The following GALNT15 variants were observed in gnomAD, a reference collection of about 807,000 sequenced individuals.
GALNT15 encodes the protein polypeptide N-acetylgalactosaminyltransferase 15.
In GALNT15, 67 loss-of-function variants were observed where a neutral mutation model predicts 66.8. The ratio of observed to expected loss-of-function variants is 1.00; its 90% CI spans 0.82 to 1.23. The LOEUF is 1.23. Ranked by LOEUF, GALNT15 falls within the 50% of genes most tolerant of loss-of-function variation. GALNT15 has a pLI of 0.00. For missense variants in GALNT15, 827 were observed against 804.3 expected, an observed-to-expected ratio of 1.03 and a Z score of -0.34; for synonymous variants, 313 against 311.5, an observed-to-expected ratio of 1.00 and a Z score of -0.05.
downstream of GALNT15, among the ~76,000 whole-genome samples, chr3:16,231,580 T>G (rs920390633): frequency 6.6e-6 from 1 of 152,160 alleles, no homozygotes; most frequent in African/African-American, 2.4e-5. This position sits in a 1 kb window ranked among gnomAD's most constrained non-coding sequence, Gnocchi z 4.1. Context: ...AAAAAAAGAA[T>G]CATCAGAATC....
chr3:16,175,559 G>T lies in GALNT15; in HGVS notation c.408G>T (p.Gly136=). Residue 136 remains glycine, a synonymous_variant, in exon 1 of 10, where the codon GGG becomes GGT. Coordinates refer to ENST00000339732, the MANE Select transcript of GALNT15 (RefSeq NM_054110.5). This position sits in a 1 kb window ranked among gnomAD's most constrained non-coding sequence, Gnocchi z 5.6. ...QDKEAPKRDW[G]ADEDGEVSEE... Reference sequence around the variant, plus strand: ...AGGAAGCCCCAAAGAGGGACTGGGGGGCTGATGAGGACGGGGAGGTGTCTG... The same window carrying T: ...AGGAAGCCCCAAAGAGGGACTGGGGTGCTGATGAGGACGGGGAGGTGTCTG... The T allele has an allele frequency of 1.9e-6, 3 of 1,614,020 alleles. No homozygotes were observed. Among genetic ancestry groups the T allele is most frequent in the Non-Finnish European group, 2.5e-6 (3 of 1,179,990 alleles).
rs758998956 is a variant in GALNT15 at position 16,175,247 on chromosome 3, G to A, written c.96G>A (p.Met32Ile). The change falls in exon 1 of 10, where the codon ATG becomes ATA. Residue 32 changes from methionine to isoleucine, a missense_variant. Physicochemically the swap from Met to Ile is conservative, Grantham distance 10 (BLOSUM62 1). Transcript: ENST00000339732. The surrounding 1 kb of genome is among the most constrained non-coding windows in gnomAD (Gnocchi z 5.6). Reference sequence around the variant, plus strand: ...GATGCGTCCTGATGATGGTGGCGATGTTGCACCCTCCCCACCACACCCTGC... The same window carrying A: ...GATGCGTCCTGATGATGGTGGCGATATTGCACCCTCCCCACCACACCCTGC... ...MLGCVLMMVA[M>I]LHPPHHTLHQ... 9 of 1,614,042 alleles carry A rather than the reference G, an allele frequency of 5.6e-6. No individual in the cohort carries two copies. Among genetic ancestry groups the A allele is most frequent in the South Asian group, 5.5e-5 (5 of 91,086 alleles).
In GALNT15 at chr3:16,186,911, C is replaced by T. The variant is rs2063522511; in HGVS notation, c.540-8849C>T. ...ATACTTGAATCCATGGAATTGTACACTTTATAAAGGTGGACATTATGGTAT... is the reference window on the plus strand; with the variant it reads ...ATACTTGAATCCATGGAATTGTACATTTTATAAAGGTGGACATTATGGTAT... On this transcript the variant is annotated intron_variant, in intron 1 of 9. Coordinates refer to ENST00000339732, the MANE Select transcript of GALNT15 (RefSeq NM_054110.5). This position sits in a 1 kb window ranked among gnomAD's most constrained non-coding sequence, Gnocchi z 5.1. Among the ~76,000 whole-genome samples, 2 of 152,092 alleles carry T rather than the reference C, an allele frequency of 1.3e-5. No individual in the cohort carries two copies. The highest frequency in any genetic ancestry group is 6.5e-5 in the Admixed American group (1 of 15,276).
downstream of GALNT15, among the ~76,000 whole-genome samples, chr3:16,232,509 T>A (rs1480267136): frequency 3.8e-5 from 3 of 78,222 alleles, no homozygotes; most frequent in African/African-American, 1.9e-4. Context: ...TATATATATA[T>A]ATTTATTTAA....
chr3:16,177,584 T>C (rs1377436824), intron 1 of GALNT15, among the ~76,000 whole-genome samples: 2 of 152,274 alleles, frequency 1.3e-5, no homozygotes, highest in South Asian at 2.1e-4. Flanking sequence ...TGCACAGCTA[T>C]GCATTGTGCA....
Position 16,196,361 on chromosome 3 carries a change from A to G in GALNT15, c.706+435A>G, listed in dbSNP as rs370230868. Among the ~76,000 whole-genome samples, 23 of 152,220 alleles carry G rather than the reference A, an allele frequency of 1.5e-4. No individual in the cohort carries two copies. The East Asian group carries it at 1.5e-3, about 10-fold the overall frequency. The stretch of plus-strand genomic sequence containing the variant: ...TATGTGTATCGGTCCTTCACTCATC[A>G]TGGCTTAGACAGACCCACTCACTTT... On this transcript the variant is annotated intron_variant, in intron 2 of 9. Transcript: ENST00000339732.
At chr3:16,230,522 C>T (rs1041372234), downstream of GALNT15, among the ~76,000 whole-genome samples, 1 of 151,894 alleles carries the variant, frequency 6.6e-6, no homozygotes, top group East Asian at 1.9e-4. This position sits in a 1 kb window ranked among gnomAD's most constrained non-coding sequence, Gnocchi z 4.5. Context: ...TGATCTGTGA[C>T]CAGTCACCAA....
At position 16,220,002 on chromosome 3, in the gene GALNT15, C is replaced by A; in HGVS notation, c.1617C>A (p.Ser539Arg). Residue 539 changes from serine (S) to arginine (R), a missense_variant, in exon 8 of 10, where the codon AGC (serine) becomes AGA (arginine). Transcript: ENST00000339732. ...TGGTGTTGGCTCCTTGCAGTGACAGCCGGCAGCAACAGGTGGGTAGTCAGA... is the reference window on the plus strand; with the variant it reads ...TGGTGTTGGCTCCTTGCAGTGACAGACGGCAGCAACAGGTGGGTAGTCAGA... ...CPMVLAPCSD[S>R]RQQQYLQHTS... The A allele has an allele frequency of 6.2e-7, 1 of 1,613,642 alleles. No individual in the cohort carries two copies. Among genetic ancestry groups the A allele is most frequent in the Non-Finnish European group, 8.5e-7 (1 of 1,179,516 alleles).
chr3:16,215,915 A>AAACAAAAAAAAAAAAAAAAAAAC (rs2063867825), intron 6 of GALNT15, among the ~76,000 whole-genome samples: 1 of 151,168 alleles, frequency 6.6e-6, no homozygotes, highest in East Asian at 1.9e-4. Flanking sequence ...CCAAAAAAAA[A>AAACAAAAAAAAAAAAAAAAAAAC]AAAAAAAAAA....
rs150693774 is a variant in GALNT15 at position 16,219,372 on chromosome 3, A to T, written c.1393-31A>T. ...TGAATTCTGGGCAAGACAAGCTTTC[A>T]TCATCCTGCTTGTGTCTTTCTCCTC... is the stretch of plus-strand genomic sequence containing the variant. On this transcript the variant is annotated intron_variant, in intron 6 of 9. Transcript: ENST00000339732. The surrounding 1 kb of genome is among the most constrained non-coding windows in gnomAD (Gnocchi z 4.3). The T allele has an allele frequency of 4.4e-4, 710 of 1,611,216 alleles. 2 individuals are homozygous for T. The African/African-American group carries it at 8.2e-3, about 19-fold the overall frequency.
At chr3:16,232,494 ATATATATATATATATATTTATT>A (rs1292101726), downstream of GALNT15, among the ~76,000 whole-genome samples, 537 of 86,418 alleles carry the variant, frequency 6.2e-3, 52 homozygotes, top group Non-Finnish European at 8.7e-3. Context: ...ATATATATAT[ATATATATATATATATATTTATT>A]TAAAAGAGAC....
chr3:16,198,548 A>G (rs1227681851), intron 2 of GALNT15, among the ~76,000 whole-genome samples: 1 of 142,302 alleles, frequency 7.0e-6, no homozygotes, highest in Non-Finnish European at 1.6e-5. Context: ...GCAATGTTAA[A>G]GCCAATGAAG....
In GALNT15 at chr3:16,188,515, CG is replaced by C. The variant is rs796761224; in HGVS notation, c.540-7242del. The stretch of plus-strand genomic sequence containing the variant: ...TCCTTTTAGGTGGGCCATGTGGTCT[CG>C]GGCTCACTGAAGCACCCACAGGGCA... On this transcript the variant is annotated intron_variant, in intron 1 of 9. Transcript: ENST00000339732. The surrounding 1 kb of genome is among the most constrained non-coding windows in gnomAD (Gnocchi z 4.6). Among the ~76,000 whole-genome samples, 54 of 152,282 alleles carry C rather than the reference CG, an allele frequency of 3.5e-4. No homozygotes were observed. The highest frequency in any genetic ancestry group is 1.1e-3 in the African/African-American group (47 of 41,570).
chr3:16,175,337 G>A lies in GALNT15; in HGVS notation c.186G>A (p.Gly62=), dbSNP rs758431673. Residue 62 remains glycine (G), a synonymous_variant, in exon 1 of 10, where the codon GGG becomes GGA. Transcript: ENST00000339732. This position sits in a 1 kb window ranked among gnomAD's most constrained non-coding sequence, Gnocchi z 5.6. Reference sequence around the variant, plus strand: ...AAGCCAGGTACCGCCTGGACTTTGGGGAATCCCAGGATTGGGTACTGGAAG... The same window carrying A: ...AAGCCAGGTACCGCCTGGACTTTGGAGAATCCCAGGATTGGGTACTGGAAG... ...SPEARYRLDF[G]ESQDWVLEAE... is the part of the protein sequence containing the mutation. The A allele has an allele frequency of 3.7e-6, 6 of 1,614,174 alleles. No individual in the cohort carries two copies. The South Asian group carries it at 4.4e-5, about 12-fold the overall frequency.
At position 16,212,530 on chromosome 3, in the gene GALNT15, G is replaced by C. The variant is rs766719585; in HGVS notation, c.1198-39G>C. The C allele has an allele frequency of 2.5e-6, 4 of 1,580,598 alleles. No individual in the cohort carries two copies. In the South Asian group the frequency reaches 4.6e-5, roughly 18 times the overall value. ...TCCCTATTTCCCGCCGTTCTTAAAGGTGGAATGCTGAGGTGTTTATCTTTT... is the reference window on the plus strand; with the variant it reads ...TCCCTATTTCCCGCCGTTCTTAAAGCTGGAATGCTGAGGTGTTTATCTTTT... On this transcript the variant is annotated intron_variant, in intron 5 of 9. Coordinates refer to ENST00000339732, the MANE Select transcript of GALNT15 (RefSeq NM_054110.5).
rs2470509 is a variant in GALNT15 at position 16,225,310 on chromosome 3, A to G, written c.1774-2044A>G. ...TTACAATTCAACATGAGATTTAGGGAGGACCAACATCCAAACTATATCAAC... is the reference window on the plus strand; with the variant it reads ...TTACAATTCAACATGAGATTTAGGGGGGACCAACATCCAAACTATATCAAC... On this transcript the variant is annotated intron_variant, in intron 9 of 9. Coordinates refer to ENST00000339732, the MANE Select transcript of GALNT15 (RefSeq NM_054110.5). This position sits in a 1 kb window ranked among gnomAD's most constrained non-coding sequence, Gnocchi z 4.4. Among the ~76,000 whole-genome samples the G allele has an allele frequency of 0.3, 45,862 of 152,130 alleles. 7,403 individuals carry two copies. The highest frequency in any genetic ancestry group is 0.41 in the African/African-American group (16,834 of 41,462).
rs747782449 is a variant in GALNT15 at position 16,228,441 on chromosome 3, G to C, written c.*941G>C. 1.8e-4 allele frequency: 129 copies of C among 718,660 alleles called. No individual in the cohort carries two copies. The highest frequency in any genetic ancestry group is 2.1e-4 in the Non-Finnish European group (122 of 586,520). 44.5% of individuals were successfully genotyped at this position (718,660 alleles called of 1,614,324 possible). ...GGATCACCTGATGTCAGGGGTTTGA[G>C]ACCAGCCTGGTCAACATTGCAAAAC... is the stretch of plus-strand genomic sequence containing the variant. On this transcript the variant is annotated 3_prime_UTR_variant, in exon 10 of 10. Coordinates refer to ENST00000339732, the MANE Select transcript of GALNT15 (RefSeq NM_054110.5).
chr3:16,200,555 T>C lies in GALNT15; in HGVS notation c.707-64T>C. On this transcript the variant is annotated intron_variant, in intron 2 of 9. Transcript: ENST00000339732. This position sits in a 1 kb window ranked among gnomAD's most constrained non-coding sequence, Gnocchi z 4.4. ...CAAAAGAGAGTTGCTGACGATTGTC[T>C]TAGTCACAATCTCATCGGTTGTGGC... is the stretch of plus-strand genomic sequence containing the variant. 1 of 1,295,374 alleles carries C rather than the reference T, an allele frequency of 7.7e-7. No individual in the cohort carries two copies. The highest frequency in any genetic ancestry group is 1.0e-6 in the Non-Finnish European group (1 of 956,154). The allele number at this position is 1,295,374 out of a possible 1,614,324, so 80.2% of individuals were successfully genotyped here.
Position 16,229,557 on chromosome 3 carries a change from C to T in GALNT15, c.*2057C>T, listed in dbSNP as rs2064061216. The T allele has an allele frequency of 2.0e-6, 2 of 984,990 alleles. No individual in the cohort carries two copies. Among genetic ancestry groups the T allele is most frequent in the Non-Finnish European group, 2.4e-6 (2 of 829,670 alleles). The allele number at this position is 984,990 out of a possible 1,614,324, so 61.0% of individuals were successfully genotyped here. A position where few individuals can be genotyped will look rare whatever the true frequency, so the allele number is the denominator to read the frequency against. ...ACCCATCTATATTTAAAACAAATTT[C>T]CCTAAATCCTGAGACTGAGACGGAG... On this transcript the variant is annotated 3_prime_UTR_variant, in exon 10 of 10. Coordinates refer to ENST00000339732, the MANE Select transcript of GALNT15 (RefSeq NM_054110.5).
Sources: allele counts gnomAD v4.1 joint callset (sites outside exome capture counted in the v4.1 genomes callset), GRCh38; gene constraint gnomAD v4.1.1; non-coding constraint Gnocchi (gnomAD v3.1); transcripts MANE v1.5; gene names NCBI Gene and HGNC (gene_info 2026-07-23, HGNC 2026-07-21).